SRGAP2: variants seen among roughly 807,000 people sequenced by gnomAD.
The protein encoded by SRGAP2 is SLIT-ROBO Rho GTPase activating protein 2, also known as SLIT-ROBO Rho GTPase-activating protein 2.
SRGAP2 carries 15 observed loss-of-function variants against 57.2 expected under a neutral mutation model. That is an observed-to-expected ratio of 0.26 (90% CI 0.18 to 0.40). The LOEUF (loss-of-function observed/expected upper bound fraction) is 0.40, where lower values mean the gene tolerates loss of function less well. SRGAP2 is among the 10% of genes least tolerant of loss of function. The pLI is 1.00. For missense variants in SRGAP2, 520 were observed against 669.6 expected (o/e 0.78, Z 2.47); for synonymous variants, 249 against 248.0 (o/e 1.00, Z -0.04).
intron 3 of SRGAP2, among the ~76,000 whole-genome samples, chr1:206,342,075 T>A (rs1553335350): frequency 6.6e-6 from 1 of 152,200 alleles, no homozygotes; most frequent in Non-Finnish European, 1.5e-5. Flanking sequence ...GGAACGCATG[T>A]TCAGGTATGG....
At chr1:206,448,581 C>T (rs782379576) in intron 18 of SRGAP2, among the ~76,000 whole-genome samples, 6 of 152,152 alleles carry the variant, frequency 3.9e-5, no homozygotes, top group Admixed American at 2.6e-4. Context: ...TAGAAATGCA[C>T]GTTATTTGGC....
intron 22 of SRGAP2, among the ~76,000 whole-genome samples, chr1:206,460,208 G>C (rs188485448): frequency 9.8e-5 from 15 of 152,328 alleles, no homozygotes; most frequent in Admixed American, 9.2e-4. Context: ...GTGGTAGTTT[G>C]GGGGTGCCAG....
At chr1:206,340,633 C>G (rs536010619) in intron 3 of SRGAP2, among the ~76,000 whole-genome samples, 1 of 150,010 alleles carries the variant, frequency 6.7e-6, no homozygotes, top group Non-Finnish European at 1.5e-5. Flanking sequence ...GGTATCTTGC[C>G]GAGAGACACC....
At chr1:206,426,476 C>G (rs1227130725) in intron 13 of SRGAP2, among the ~76,000 whole-genome samples, 2 of 152,148 alleles carry the variant, frequency 1.3e-5, no homozygotes, top group Non-Finnish European at 2.9e-5. Context: ...GATTTCTTTT[C>G]TTTTGGATCT....
intron 19 of SRGAP2, 101 bp downstream of exon 19, chr1:206,450,566 C>A: frequency 1.5e-6 from 1 of 661,676 alleles, no homozygotes; most frequent in South Asian, 1.7e-5. Flanking sequence ...GCCCAGCGGT[C>A]CCCTGAGGGC....
chr1:206,306,652 C>A (rs1319642921), intron 3 of SRGAP2, among the ~76,000 whole-genome samples: 1 of 152,150 alleles, frequency 6.6e-6, no homozygotes, highest in Non-Finnish European at 1.5e-5. Context: ...CCTGTTTTGT[C>A]AGGGTACTGA....
chr1:206,221,135 T>G (rs1330573111), intron 2 of SRGAP2, among the ~76,000 whole-genome samples: 1 of 148,022 alleles, frequency 6.8e-6, no homozygotes, highest in African/African-American at 2.6e-5. Flanking sequence ...AGAGACAGGG[T>G]TTCACCATGT....
At chr1:206,445,874 G>C (rs1662710859) in intron 17 of SRGAP2, among the ~76,000 whole-genome samples, 1 of 152,192 alleles carries the variant, frequency 6.6e-6, no homozygotes, top group African/African-American at 2.4e-5. Context: ...CCTCTAGTTT[G>C]CATTTCCTGA....
intron 2 of SRGAP2, among the ~76,000 whole-genome samples, chr1:206,220,518 A>T (rs1283808843): frequency 2.6e-5 from 4 of 152,192 alleles, no homozygotes; most frequent in Non-Finnish European, 5.9e-5. Context: ...CTGCCCTCGG[A>T]CAGTTCTTCA....
At chr1:206,449,427 A>T (rs2103376127) in intron 18 of SRGAP2, among the ~76,000 whole-genome samples, 1 of 149,830 alleles carries the variant, frequency 6.7e-6, no homozygotes, top group East Asian at 2.0e-4. Flanking sequence ...GAGTAGCTAG[A>T]ACCACAGCAT....
intron 4 of SRGAP2, among the ~76,000 whole-genome samples, chr1:206,354,908 A>T (rs1219136821): frequency 6.6e-6 from 1 of 150,998 alleles, no homozygotes; most frequent in East Asian, 1.9e-4. Context: ...ATAATCTTTT[A>T]AATTTTATAG....
intron 3 of SRGAP2, among the ~76,000 whole-genome samples, chr1:206,337,920 A>C (rs1400772017): frequency 6.6e-6 from 1 of 151,860 alleles, no homozygotes; most frequent in Non-Finnish European, 1.5e-5. Flanking sequence ...AAATCCCTTT[A>C]AGCGCTTGTT....
intron 8 of SRGAP2, among the ~76,000 whole-genome samples, chr1:206,404,735 C>G (rs1238786842): frequency 6.6e-6 from 1 of 152,260 alleles, no homozygotes; most frequent in Non-Finnish European, 1.5e-5. Flanking sequence ...AGGCAACGAA[C>G]TTGTTCCTGG....
chr1:206,210,865 T>C (rs1666271763), intron 2 of SRGAP2, among the ~76,000 whole-genome samples: 2 of 151,628 alleles, frequency 1.3e-5, no homozygotes, highest in African/African-American at 4.9e-5. Context: ...GCAAGATGAT[T>C]GAGGGCTCCT....
chr1:206,231,482 C>G (rs181152667), intron 2 of SRGAP2, among the ~76,000 whole-genome samples: 2 of 151,936 alleles, frequency 1.3e-5, no homozygotes, highest in African/African-American at 4.8e-5. Flanking sequence ...CCAGTTGGAC[C>G]TACTTAACAA....
chr1:206,276,929 C>CT (rs1370746414), intron 2 of SRGAP2, among the ~76,000 whole-genome samples: 1 of 149,972 alleles, frequency 6.7e-6, no homozygotes, highest in African/African-American at 2.5e-5. Context: ...AAGCTGTTGG[C>CT]TTTTAGGATA....
At chr1:206,285,856 G>A (rs1301515009) in intron 2 of SRGAP2, among the ~76,000 whole-genome samples, 1 of 152,068 alleles carries the variant, frequency 6.6e-6, no homozygotes, top group African/African-American at 2.4e-5. Context: ...AGTAGAGATG[G>A]GGTTCTGCCA....
intron 3 of SRGAP2, among the ~76,000 whole-genome samples, chr1:206,340,569 A>G (rs1253639793): frequency 1.3e-5 from 2 of 152,148 alleles, no homozygotes; most frequent in African/African-American, 2.4e-5. Flanking sequence ...CCAGTTGTCA[A>G]TGTAAAGTCT....
At chr1:206,378,668 G>A (rs536999103) in intron 4 of SRGAP2, among the ~76,000 whole-genome samples, 27 of 152,054 alleles carry the variant, frequency 1.8e-4, no homozygotes, top group African/African-American at 6.0e-4. Context: ...ACCAATCAGC[G>A]CTCTGTGTCT....
Sources: gnomAD v4.1 joint callset for allele counts (sites outside exome capture counted in the v4.1 genomes callset) on GRCh38, gnomAD v4.1.1 for gene constraint, MANE v1.5 for transcripts, NCBI Gene and HGNC (gene_info 2026-07-23, HGNC 2026-07-21) for gene names.